Variants in KIF16B observed in about 807,000 individuals in gnomAD.
KIF16B encodes kinesin family member 16B.
A neutral mutation model predicts 156.3 loss-of-function variants in KIF16B; 98 were observed. That is an observed-to-expected ratio of 0.63 (90% confidence interval 0.53 to 0.74). The LOEUF (loss-of-function observed/expected upper bound fraction) is 0.74, where lower values mean the gene tolerates loss of function less well. Among genes scored for constraint, KIF16B ranks in the 30% least tolerant of loss-of-function variants. KIF16B has a pLI of 0.00. For missense variants in KIF16B, 1,421 were observed against 1,606.5 expected (o/e 0.88, Z 1.97); for synonymous variants, 564 against 583.7 (o/e 0.97, Z 0.49).
In KIF16B at chr20:16,433,888, T is replaced by G. The variant is rs73898739; in HGVS notation, c.1303-3906A>C. Among the ~76,000 whole-genome samples, 676 of 152,298 alleles carry G rather than the reference T, an allele frequency of 4.4e-3. 3 individuals are homozygous for G. The highest frequency in any genetic ancestry group is 0.024 in the Middle Eastern group (7 of 294). On this transcript the variant is annotated intron_variant, in intron 12 of 25. Coordinates refer to ENST00000354981, the MANE Select transcript of KIF16B (RefSeq NM_024704.5). ...AAAATATTTATTGAGTGGCATCTAC[T>G]GTTATACATAATTTATGAAATACCT...
intron 17 of KIF16B, chr20:16,382,145 GAGAGAGAGAGAGAA>G (rs2065112468): frequency 2.7e-6 from 3 of 1,091,460 alleles, no homozygotes; most frequent in Non-Finnish European, 2.4e-6. Context: ...CAGGGAGGTG[GAGAGAGAGAGAGAA>G]AGAGAGAGAG....
At position 16,322,253 on chromosome 20, in the gene KIF16B, C is replaced by A. The variant is rs931474338; in HGVS notation, c.3712-9835G>T. ...AATGAAATCAATAATTTGAGGCCTACCGATTTCCAATGAAATTTGTCTTTC... is the reference window on the plus strand; with the variant it reads ...AATGAAATCAATAATTTGAGGCCTAACGATTTCCAATGAAATTTGTCTTTC... On this transcript the variant is annotated intron_variant, in intron 24 of 25. Transcript: ENST00000354981. Among the ~76,000 whole-genome samples the A allele has an allele frequency of 3.3e-5, 5 of 152,006 alleles. No individual in the cohort carries two copies. In the South Asian group the frequency reaches 8.3e-4, roughly 25 times the overall value.
chr20:16,375,521 C>G (rs1407058676), intron 19 of KIF16B, among the ~76,000 whole-genome samples: 1 of 152,044 alleles, frequency 6.6e-6, no homozygotes, highest in Non-Finnish European at 1.5e-5. Context: ...TTTAACTCAG[C>G]CCTTTCTGGG....
At chr20:16,424,772 G>C (rs1431233388) in intron 15 of KIF16B, among the ~76,000 whole-genome samples, 1 of 152,056 alleles carries the variant, frequency 6.6e-6, no homozygotes, top group Non-Finnish European at 1.5e-5. Context: ...TGAGCAAGAA[G>C]AGGAGGGTCC....
At chr20:16,375,129 C>A (rs928408728) in intron 19 of KIF16B, among the ~76,000 whole-genome samples, 7 of 152,158 alleles carry the variant, frequency 4.6e-5, no homozygotes, top group African/African-American at 1.4e-4. Flanking sequence ...TGTGTAAGGT[C>A]ATTCTCCCAC....
intron 12 of KIF16B, among the ~76,000 whole-genome samples, chr20:16,433,577 G>A (rs6034474): frequency 0.01 from 674 of 64,266 alleles, 7 homozygotes; most frequent in African/African-American, 0.042. Flanking sequence ...TCCCCAGCAT[G>A]TAGACACACA....
intron 12 of KIF16B, among the ~76,000 whole-genome samples, chr20:16,452,607 G>A (rs1207605133): frequency 6.6e-6 from 1 of 152,044 alleles, no homozygotes; most frequent in Non-Finnish European, 1.5e-5. Context: ...ACGCAGAGGT[G>A]GGTGGATCAC....
In KIF16B at chr20:16,371,748, T is replaced by C. The variant is rs780448065; in HGVS notation, c.3364A>G (p.Ile1122Val). ...PLMDARINAY[I>V]EEEVQRRLQD... is the part of the protein sequence containing the mutation. ...AGGCGTCTTTGGACTTCTTCTTCAA[T>C]GTAAGCATTGATCCTGTAACACAAT... Residue 1122 changes from isoleucine to valine, a missense_variant, in exon 21 of 26, where the codon ATT becomes GTT. Coordinates refer to ENST00000354981, the MANE Select transcript of KIF16B (RefSeq NM_024704.5). 4 of 1,612,828 alleles carry C rather than the reference T, an allele frequency of 2.5e-6. No homozygotes were observed. The highest frequency in any genetic ancestry group is 2.2e-5 in the South Asian group (2 of 91,044).
Position 16,315,717 on chromosome 20 carries a change from A to G in KIF16B, c.3712-3299T>C, listed in dbSNP as rs182458135. Among the ~76,000 whole-genome samples the G allele has an allele frequency of 9.2e-5, 14 of 152,302 alleles. No homozygotes were observed. The East Asian group carries it at 2.7e-3, about 29-fold the overall frequency. On this transcript the variant is annotated intron_variant, in intron 24 of 25. Transcript: ENST00000354981. ...TCCCCAGAAGTCCATTCCAGGACAT[A>G]CAAAGTTAGTTAGCAACTATCATCT...
chr20:16,448,330 G>A (rs868791419), intron 12 of KIF16B, among the ~76,000 whole-genome samples: 3 of 152,168 alleles, frequency 2.0e-5, no homozygotes, highest in Admixed American at 6.5e-5. Flanking sequence ...ATGCTTCCAC[G>A]TATTATGGAT....
chr20:16,334,699 C>A lies in KIF16B; in HGVS notation c.3711+1227G>T, dbSNP rs558416524. Among the ~76,000 whole-genome samples the A allele has an allele frequency of 3.2e-4, 49 of 152,160 alleles. No individual in the cohort carries two copies. The South Asian group carries it at 6.6e-3, about 21-fold the overall frequency. On this transcript the variant is annotated intron_variant, in intron 24 of 25. Transcript: ENST00000354981. ...CCCATGGTAATGAGTACCTTGAGAT[C>A]TGATTGTGAAAAAGAGTCTAGGACC... is the stretch of plus-strand genomic sequence containing the variant.
intron 1 of KIF16B, among the ~76,000 whole-genome samples, chr20:16,563,844 T>G (rs2071156224): frequency 6.6e-6 from 1 of 152,216 alleles, no homozygotes; most frequent in South Asian, 2.1e-4. Context: ...TTTAAAATAT[T>G]GTATAAGGAA....
chr20:16,375,557 A>G (rs961342563), intron 19 of KIF16B, among the ~76,000 whole-genome samples: 1 of 151,988 alleles, frequency 6.6e-6, no homozygotes, highest in African/African-American at 2.4e-5. Context: ...GTACTTCTAG[A>G]GCATCAATTT....
At chr20:16,567,161 C>A (rs1568698045) in intron 1 of KIF16B, among the ~76,000 whole-genome samples, 1 of 152,102 alleles carries the variant, frequency 6.6e-6, no homozygotes, top group Non-Finnish European at 1.5e-5. Flanking sequence ...AGCTATGTGA[C>A]CTTGGGCGGT....
At chr20:16,459,508 C>G (rs1011566811) in intron 12 of KIF16B, among the ~76,000 whole-genome samples, 3 of 152,142 alleles carry the variant, frequency 2.0e-5, no homozygotes, top group African/African-American at 7.2e-5. Flanking sequence ...CTCCCTGGGT[C>G]TCTGAGTCAT....
chr20:16,317,514 C>G (rs6111051), intron 24 of KIF16B, among the ~76,000 whole-genome samples: 41,054 of 152,146 alleles, frequency 0.27, 5,916 homozygotes, highest in East Asian at 0.58. Context: ...CCCCTTACAA[C>G]TTTTTTGGAG....
chr20:16,473,065 C>A (rs1366741461), intron 12 of KIF16B, among the ~76,000 whole-genome samples: 1 of 152,098 alleles, frequency 6.6e-6, no homozygotes, highest in Admixed American at 6.5e-5. Flanking sequence ...CAAATGGTAA[C>A]CTACAAAGAA....
rs374489128 is a variant in KIF16B, at chr20:16,272,246, T to C, written c.*1007A>G. ...ATGTATACATATATAAATCTATAGA[T>C]AGAATTATATACATTTGAGTATATA... On this transcript the variant is annotated 3_prime_UTR_variant, in exon 26 of 26. Transcript: ENST00000354981. 1.3e-5 allele frequency: 2 copies of C among 152,662 alleles called. No individual in the cohort carries two copies. Among genetic ancestry groups the C allele is most frequent in the Non-Finnish European group, 2.9e-5 (2 of 68,034 alleles). The allele number at this position is 152,662 out of a possible 1,614,324, so 9.5% of individuals were successfully genotyped here.
chr20:16,425,353 C>T (rs1269435078), intron 15 of KIF16B, among the ~76,000 whole-genome samples: 1 of 152,072 alleles, frequency 6.6e-6, no homozygotes, highest in African/African-American at 2.4e-5. Context: ...AAATCGCAAG[C>T]TGTGTGACCC....
Sources: allele counts gnomAD v4.1 joint callset (sites outside exome capture counted in the v4.1 genomes callset), GRCh38; gene constraint gnomAD v4.1.1; transcripts MANE v1.5; gene names NCBI Gene and HGNC (gene_info 2026-07-23, HGNC 2026-07-21).